Variants in RNF146 observed in about 807,000 individuals in gnomAD.
RNF146 encodes the protein E3 ubiquitin-protein ligase RNF146.
RNF146 carries 11 observed loss-of-function variants against 29.7 expected under a neutral mutation model. The ratio of observed to expected loss-of-function variants is 0.37; its 90% CI spans 0.23 to 0.61. RNF146 has a LOEUF of 0.61. Among genes scored for constraint, RNF146 ranks in the 20% least tolerant of loss-of-function variants. RNF146 has a pLI of 0.66. For synonymous variants in RNF146, 150 were observed against 159.7 expected (o/e 0.94, Z 0.46); for missense variants, 342 against 438.9 (o/e 0.78, Z 1.97).
chr6:127,278,357 A>G (rs750942374), intron 1 of RNF146, among the ~76,000 whole-genome samples: 30 of 151,978 alleles, frequency 2.0e-4, no homozygotes, highest in Admixed American at 3.9e-4. Flanking sequence ...CCATTAGGCA[A>G]TAACTCTCCA....
upstream of RNF146, chr6:127,266,758 A>C (rs1776648247): frequency 6.6e-6 from 1 of 152,060 alleles, no homozygotes; most frequent in South Asian, 2.1e-4. Flanking sequence ...CAGAACGATG[A>C]GGCGCCGGAG....
At chr6:127,275,492 CA>C (rs958540007) in intron 1 of RNF146, among the ~76,000 whole-genome samples, 1 of 151,784 alleles carries the variant, frequency 6.6e-6, no homozygotes, top group Non-Finnish European at 1.5e-5. Context: ...TTCATTCATC[CA>C]AAAAATATCA....
At chr6:127,267,042 C>CG (rs987268044) in intron 1 of RNF146, 117 bp downstream of exon 1, 1 of 152,650 alleles carries the variant, frequency 6.6e-6, no homozygotes, top group African/African-American at 2.4e-5. Flanking sequence ...CAACGTACTC[C>CG]GGGTCGGCCT....
intron 2 of RNF146, among the ~76,000 whole-genome samples, chr6:127,284,450 C>T (rs1466973370): frequency 1.3e-5 from 2 of 151,724 alleles, no homozygotes; most frequent in Non-Finnish European, 2.9e-5. Flanking sequence ...GGATCACTTT[C>T]TTGTTTTCTT....
intron 1 of RNF146, among the ~76,000 whole-genome samples, chr6:127,275,561 A>G (rs1041697307): frequency 6.6e-6 from 1 of 152,146 alleles, no homozygotes; most frequent in African/African-American, 2.4e-5. Context: ...AAATCTCCCT[A>G]TCTTCAGGGG....
In RNF146 at chr6:127,280,990, G is replaced by A. The variant is rs555547426; in HGVS notation, c.2+650G>A. Among the ~76,000 whole-genome samples the A allele has an allele frequency of 6.6e-5, 10 of 151,702 alleles. No homozygotes were observed. The South Asian group carries it at 2.1e-3, about 31-fold the overall frequency. ...TCATATAAGCCCTATGCAACTTGAT[G>A]TCATTCATGAAAAATGTAGTGAATA... On this transcript the variant is annotated intron_variant, in intron 2 of 2. Coordinates refer to ENST00000368314, the MANE Select transcript of RNF146 (RefSeq NM_001242850.2).
At chr6:127,269,607 A>G (rs1777170547) in intron 1 of RNF146, among the ~76,000 whole-genome samples, 1 of 152,166 alleles carries the variant, frequency 6.6e-6, no homozygotes, top group Non-Finnish European at 1.5e-5. Context: ...AGTTGAAATG[A>G]GTTTTGTCTG....
rs1779747199 is a variant in RNF146 at position 127,287,940 on chromosome 6, C to CT, written c.*250dup. The stretch of plus-strand genomic sequence containing the variant: ...ACCCAGTTTTCTTGAGGTCTGTTTA[C>CT]TTTATACTTTTTAAAAACTTCTGTA... On this transcript the variant is annotated 3_prime_UTR_variant, in exon 3 of 3. Coordinates refer to ENST00000368314, the MANE Select transcript of RNF146 (RefSeq NM_001242850.2). 3.1e-6 allele frequency: 1 copy of CT among 319,064 alleles called. No individual in the cohort carries two copies. Among genetic ancestry groups the CT allele is most frequent in the Non-Finnish European group, 6.1e-6 (1 of 163,424 alleles). 19.8% of individuals were successfully genotyped at this position (319,064 alleles called of 1,614,324 possible). A position where few individuals can be genotyped will look rare whatever the true frequency, so the allele number is the denominator to read the frequency against.
At chr6:127,274,511 G>C (rs375622215) in intron 1 of RNF146, among the ~76,000 whole-genome samples, 1 of 152,054 alleles carries the variant, frequency 6.6e-6, no homozygotes, top group Non-Finnish European at 1.5e-5. Flanking sequence ...TAGAAACAAG[G>C]ACATTTTTTG....
rs1290027489 is a variant in RNF146 at position 127,287,827 on chromosome 6, ATAAT to A, written c.*138_*141del. The A allele has an allele frequency of 1.6e-6, 1 of 617,988 alleles. No homozygotes were observed. The highest frequency in any genetic ancestry group is 2.6e-5 in the East Asian group (1 of 37,818). 38.3% of individuals were successfully genotyped at this position (617,988 alleles called of 1,614,324 possible). On this transcript the variant is annotated 3_prime_UTR_variant, in exon 3 of 3. Transcript: ENST00000368314. ...GAAGGGGTATGGGAAGGATAGACTC[ATAAT>A]TAAAATGTCTAACATGTCTCTGTTG...
At position 127,287,535 on chromosome 6, in the gene RNF146, T is replaced by G. The variant is rs1274032861; in HGVS notation, c.922T>G (p.Leu308Val). The change falls in exon 3 of 3, where the codon TTG becomes GTG. Residue 308 changes from leucine to valine, a missense_variant. Around this residue, in one of 6 missense-constraint regions of RNF146, gnomAD observed 196 missense variants for 208.9 expected, o/e 0.94. Coordinates refer to ENST00000368314, the MANE Select transcript of RNF146 (RefSeq NM_001242850.2). ...DVSAVVAQHS[L>V]TQQRLLVSNA... Reference sequence around the variant, plus strand: ...ATCTGCAGTTGTTGCACAGCACTCCTTGACCCAACAGAGACTTTTGGTTTC... The same window carrying G: ...ATCTGCAGTTGTTGCACAGCACTCCGTGACCCAACAGAGACTTTTGGTTTC... 2 of 1,613,194 alleles carry G rather than the reference T, an allele frequency of 1.2e-6. No individual in the cohort carries two copies. The highest frequency in any genetic ancestry group is 1.7e-6 in the Non-Finnish European group (2 of 1,179,550).
chr6:127,281,714 A>C (rs1018738735), intron 2 of RNF146, among the ~76,000 whole-genome samples: 1 of 151,672 alleles, frequency 6.6e-6, no homozygotes, highest in Non-Finnish European at 1.5e-5. Flanking sequence ...AGTACTTACT[A>C]TATTACCAGA....
chr6:127,276,179 T>A (rs959732252), intron 1 of RNF146, among the ~76,000 whole-genome samples: 3 of 151,156 alleles, frequency 2.0e-5, no homozygotes, highest in Non-Finnish European at 4.4e-5. Context: ...TGTGAGAGAG[T>A]GAGAGAGAGA....
intron 2 of RNF146, among the ~76,000 whole-genome samples, chr6:127,285,552 G>A (rs1779405036): frequency 9.7e-6 from 1 of 102,804 alleles, no homozygotes; most frequent in Non-Finnish European, 2.1e-5. Context: ...TTTTTACCAT[G>A]GGGAAAAAAA....
chr6:127,269,531 G>C (rs997291212), intron 1 of RNF146, among the ~76,000 whole-genome samples: 7 of 152,202 alleles, frequency 4.6e-5, no homozygotes, highest in Non-Finnish European at 8.8e-5. Flanking sequence ...TGTGAAGGCA[G>C]TAAGTAGACT....
chr6:127,271,774 A>T (rs1239332216), intron 1 of RNF146, among the ~76,000 whole-genome samples: 2 of 152,218 alleles, frequency 1.3e-5, no homozygotes, highest in Non-Finnish European at 2.9e-5. Context: ...CGTTGGATTA[A>T]ATAAAATATA....
rs770671561 is a variant in RNF146, at chr6:127,287,285, A to G, written c.672A>G (p.Ser224=). 36 of 1,613,350 alleles carry G rather than the reference A, an allele frequency of 2.2e-5. No individual in the cohort carries two copies. Among genetic ancestry groups the G allele is most frequent in the Admixed American group, 1.8e-4 (11 of 59,868 alleles). ...PLVSSVRPLT[S]VDGQLTSPAT... ...TGTCTTCTGTAAGGCCCCTAACATCAGTAGATGGTCAGTTAACAAGCCCTG... is the reference window on the plus strand; with the variant it reads ...TGTCTTCTGTAAGGCCCCTAACATCGGTAGATGGTCAGTTAACAAGCCCTG... The change falls in exon 3 of 3, where the codon TCA becomes TCG. Residue 224 remains serine (S), a synonymous_variant. Transcript: ENST00000368314.
chr6:127,282,982 C>T (rs1013357709), intron 2 of RNF146, among the ~76,000 whole-genome samples: 5 of 151,788 alleles, frequency 3.3e-5, no homozygotes, highest in African/African-American at 1.2e-4. Context: ...GAATACTACA[C>T]ATACTAAAGA....
intron 1 of RNF146, chr6:127,267,150 G>C (rs929352808): frequency 6.6e-6 from 1 of 152,300 alleles, no homozygotes; most frequent in African/African-American, 2.4e-5. Flanking sequence ...GCGCAGAGGC[G>C]GGATGGGACA....
Sources: allele counts gnomAD v4.1 joint callset (sites outside exome capture counted in the v4.1 genomes callset), GRCh38; gene constraint gnomAD v4.1.1; regional missense constraint gnomAD v4.1.1; transcripts MANE v1.5; gene names NCBI Gene and HGNC (gene_info 2026-07-23, HGNC 2026-07-21).